AIRE: variants seen among roughly 807,000 people sequenced by gnomAD.
The protein encoded by AIRE is autoimmune regulator.
In AIRE, 52 loss-of-function variants were observed where a neutral mutation model predicts 62.1. The observed-to-expected ratio is 0.84, with a 90% CI of 0.67 to 1.06. The LOEUF (loss-of-function observed/expected upper bound fraction) is 1.06. Among genes scored for constraint, AIRE ranks in the 50% least tolerant of loss-of-function variants. The probability of loss-of-function intolerance (pLI) is 0.00; values close to 1 mark genes in which losing one functional copy is unlikely to be tolerated. For missense variants in AIRE, 774 were observed against 755.8 expected (o/e 1.02, Z -0.28); for synonymous variants, 342 against 321.6 (o/e 1.06, Z -0.68).
At chr21:44,290,097 C>T in intron 7 of AIRE, 29 bp downstream of exon 7, 1 of 1,603,352 alleles carries the variant, frequency 6.2e-7, no homozygotes, top group Admixed American at 1.7e-5. Context: ...GGAGAGGCCC[C>T]TGTCTGCCCT....
chr21:44,294,877 C>T (rs1413638292), intron 12 of AIRE, among the ~76,000 whole-genome samples: 1 of 152,066 alleles, frequency 6.6e-6, no homozygotes, highest in Non-Finnish European at 1.5e-5. Context: ...CAGGTTGTCT[C>T]ACCCCCAGCC....
chr21:44,296,471 G>T, intron 13 of AIRE, 26 bp downstream of exon 13: 1 of 1,600,648 alleles, frequency 6.2e-7, no homozygotes, highest in East Asian at 2.2e-5. Flanking sequence ...GCCTCCTGGT[G>T]CTCCTCCACT....
At chr21:44,294,800 G>A (rs2040588435) in intron 12 of AIRE, among the ~76,000 whole-genome samples, 1 of 152,158 alleles carries the variant, frequency 6.6e-6, no homozygotes, top group Admixed American at 6.5e-5. Context: ...AGGGCTCCCT[G>A]GTGGGGTGAA....
chr21:44,292,339 G>C lies in AIRE; in HGVS notation c.1033G>C (p.Val345Leu), dbSNP rs1233816988. Residue 345 changes from valine (V) to leucine (L), a missense_variant, in exon 9 of 14, where the codon GTC becomes CTC. Around this residue, in one of 3 missense-constraint regions of AIRE, gnomAD observed 354 missense variants for 296.1 expected, o/e 1.20. Coordinates refer to ENST00000291582, the MANE Select transcript of AIRE (RefSeq NM_000383.4). ...GTGCTCCAGCTGCCTGCAGGCAACA[G>C]TCCAGGAGGTGCAGCCCCGGGCAGA... Reference protein sequence around the residue: ...WRCSSCLQATVQEVQPRAEEP... With the variant: ...WRCSSCLQATLQEVQPRAEEP... The C allele has an allele frequency of 1.3e-6, 2 of 1,577,400 alleles. No homozygotes were observed. The highest frequency in any genetic ancestry group is 1.3e-5 in the African/African-American group (1 of 74,340).
Position 44,293,885 on chromosome 21 carries a change from T to C in AIRE, c.1375T>C (p.Phe459Leu). The change falls in exon 11 of 14, where the codon TTC (phenylalanine) becomes CTC (leucine). Residue 459 changes from phenylalanine (F) to leucine (L), a missense_variant. Physicochemically the swap from Phe to Leu is conservative, Grantham distance 22 (BLOSUM62 0). Coordinates refer to ENST00000291582, the MANE Select transcript of AIRE (RefSeq NM_000383.4). ...CAAAFHWRCH[F>L]PAGTSRPGTG... ...CGCTGCCTTCCACTGGCGCTGCCAC[T>C]TCCCAGCCGGCACCTCCCGGCCCGG... 6.3e-7 allele frequency: 1 copy of C among 1,596,766 alleles called. No homozygotes were observed. The highest frequency in any genetic ancestry group is 8.5e-7 in the Non-Finnish European group (1 of 1,179,526).
At position 44,294,479 on chromosome 21, in the gene AIRE, C is replaced by T; in HGVS notation, c.1479C>T (p.Ala493=). ...PVEGVLAPSP[A]RLAPGPAKDD... ...AGGGGGTGCTGGCCCCCAGCCCCGC[C>T]CGCCTGGCCCCTGGGCCTGCCAAGG... Residue 493 remains alanine, a synonymous_variant, in exon 12 of 14, where the codon GCC becomes GCT. Transcript: ENST00000291582. 6.5e-7 allele frequency: 1 copy of T among 1,534,104 alleles called. No homozygotes were observed. Among genetic ancestry groups the T allele is most frequent in the African/African-American group, 1.4e-5 (1 of 73,348 alleles).
rs756188438 is a variant in AIRE, at chr21:44,290,008, G to C, written c.819G>C (p.Leu273=). Residue 273 remains leucine, a synonymous_variant, in exon 7 of 14, where the codon CTG becomes CTC. Coordinates refer to ENST00000291582, the MANE Select transcript of AIRE (RefSeq NM_000383.4). ...TGCAGGGTGGAGGTGAGGCTAGGCT[G>C]GGCCAGCAGGGCAGCGTTCCCGCCC... ...GAAPGGGEAR[L]GQQGSVPAPL... is the part of the protein sequence containing the mutation. The C allele has an allele frequency of 8.1e-6, 13 of 1,610,848 alleles. No individual in the cohort carries two copies. In the Admixed American group the frequency reaches 1.8e-4, roughly 23 times the overall value.
In AIRE at chr21:44,286,578, A is replaced by G. The variant is rs1357882164; in HGVS notation, c.154A>G (p.Lys52Glu). Residue 52 changes from lysine (K) to glutamate (E), a missense_variant, in exon 2 of 14, where the codon AAG becomes GAG. Transcript: ENST00000291582. The surrounding 1 kb of genome is among the most constrained non-coding windows in gnomAD (Gnocchi z 6.0). ...KFQETLHLKEKEGCPQAFHAL... is the reference protein window; with the variant it reads ...KFQETLHLKEEEGCPQAFHAL... ...GCAGGAGACGCTTCATCTGAAGGAAAAGGAGGGCTGCCCCCAGGCCTTCCA... is the reference window on the plus strand; with the variant it reads ...GCAGGAGACGCTTCATCTGAAGGAAGAGGAGGGCTGCCCCCAGGCCTTCCA... 14 of 1,610,854 alleles carry G rather than the reference A, an allele frequency of 8.7e-6. No homozygotes were observed. Among genetic ancestry groups the G allele is most frequent in the Non-Finnish European group, 1.2e-5 (14 of 1,178,944 alleles).
At chr21:44,289,944 G>A (rs779098597) in intron 6 of AIRE, 44 bp from the exon 7 acceptor site, 18 of 1,598,130 alleles carry the variant, frequency 1.1e-5, no homozygotes, top group East Asian at 2.2e-5. Context: ...GTGCACCCTC[G>A]CTGCTGAGGC....
intron 7 of AIRE, chr21:44,290,435 T>C: frequency 1.0e-6 from 1 of 985,106 alleles, no homozygotes; most frequent in Non-Finnish European, 1.2e-6. Context: ...GGTTTCTTAA[T>C]GGGGTAGAAG....
Position 44,298,046 on chromosome 21 carries a change from C to T in AIRE, c.*319C>T, listed in dbSNP as rs1287379724. ...ACATGGGAGCCTGAGGCATGAGAAT[C>T]ACTTGAACTCGGGAGGTGGAGGTTG... On this transcript the variant is annotated 3_prime_UTR_variant, in exon 14 of 14. Transcript: ENST00000291582. 1.0e-5 allele frequency: 4 copies of T among 383,218 alleles called. No homozygotes were observed. 23.7% of individuals were successfully genotyped at this position (383,218 alleles called of 1,614,324 possible). A position where few individuals can be genotyped will look rare whatever the true frequency, so the allele number is the denominator to read the frequency against.
In AIRE at chr21:44,286,228, G is replaced by GCC. The variant is rs1274690958; in HGVS notation, c.132+90_132+91insCC. On this transcript the variant is annotated intron_variant, in intron 1 of 13. Coordinates refer to ENST00000291582, the MANE Select transcript of AIRE (RefSeq NM_000383.4). This position sits in a 1 kb window ranked among gnomAD's most constrained non-coding sequence, Gnocchi z 6.0. Reference sequence around the variant, plus strand: ...GTTCCAGGAGGACCCCGCCCCTCCAGATCCCCAAGCCCCTCCAGCCTTCCC... The same window carrying GCC: ...GTTCCAGGAGGACCCCGCCCCTCCAGCCATCCCCAAGCCCCTCCAGCCTTCCC... The GCC allele has an allele frequency of 2.2e-5, 29 of 1,296,688 alleles. 1 individual carries two copies. The East Asian group carries it at 7.4e-4, about 33-fold the overall frequency. The allele number at this position is 1,296,688 out of a possible 1,614,324, so 80.3% of individuals were successfully genotyped here.
In AIRE at chr21:44,286,736, G is replaced by A; in HGVS notation, c.307+5G>A. 6.2e-7 allele frequency: 1 copy of A among 1,612,738 alleles called. No homozygotes were observed. Among genetic ancestry groups the A allele is most frequent in the Non-Finnish European group, 8.5e-7 (1 of 1,179,910 alleles). ...TCCTGGACAGCTTCCCCAAAGGTGG[G>A]TCCTGGTGGACTCAGCCATGCTGGG... On this transcript the variant is annotated splice_donor_5th_base_variant and intron_variant, in intron 2 of 13. Transcript: ENST00000291582. This position sits in a 1 kb window ranked among gnomAD's most constrained non-coding sequence, Gnocchi z 6.0.
chr21:44,298,244 C>G lies in AIRE; in HGVS notation c.*517C>G, dbSNP rs1320340369. 1 of 188,614 alleles carries G rather than the reference C, an allele frequency of 5.3e-6. No individual in the cohort carries two copies. The highest frequency in any genetic ancestry group is 5.4e-5 in the Admixed American group (1 of 18,540). 11.7% of individuals were successfully genotyped at this position (188,614 alleles called of 1,614,324 possible). A position where few individuals can be genotyped will look rare whatever the true frequency, so the allele number is the denominator to read the frequency against. On this transcript the variant is annotated 3_prime_UTR_variant, in exon 14 of 14. Transcript: ENST00000291582. The stretch of plus-strand genomic sequence containing the variant: ...ACCATTGCCACCACCATCTGCAGAG[C>G]TGTTCCAGCTTCCTGAATGGAAACT...
chr21:44,287,217 C>G lies in AIRE; in HGVS notation c.463+84C>G. On this transcript the variant is annotated intron_variant, in intron 3 of 13. Transcript: ENST00000291582. The surrounding 1 kb of genome is among the most constrained non-coding windows in gnomAD (Gnocchi z 4.3). ...AGCCCACGCCCCCTCCCCACCCGGG[C>G]TCCCACCCACTGGGTGTGGGGCCAG... 1 of 1,532,726 alleles carries G rather than the reference C, an allele frequency of 6.5e-7. No individual in the cohort carries two copies. The highest frequency in any genetic ancestry group is 1.1e-5 in the South Asian group (1 of 87,454). The allele number at this position is 1,532,726 out of a possible 1,614,324, so 94.9% of individuals were successfully genotyped here.
intron 5 of AIRE, chr21:44,289,287 T>C (rs1241294381): frequency 6.5e-6 from 2 of 307,526 alleles, no homozygotes; most frequent in Admixed American, 9.2e-5. Flanking sequence ...GACCCACCGC[T>C]CCAGCCTCTG....
At chr21:44,291,796 G>A (rs1451768384) in intron 8 of AIRE, among the ~76,000 whole-genome samples, 2 of 152,176 alleles carry the variant, frequency 1.3e-5, no homozygotes, top group Admixed American at 1.3e-4. Flanking sequence ...ACGTTCAGGC[G>A]AGGCTCTGCC....
At chr21:44,291,353 CG>C in intron 8 of AIRE, 143 bp downstream of exon 8, 1 of 1,380,422 alleles carries the variant, frequency 7.2e-7, no homozygotes, top group Non-Finnish European at 9.9e-7. Flanking sequence ...GCCGTGGGGC[CG>C]GGGCCTGGGG....
Position 44,286,020 on chromosome 21 carries a change from C to T in AIRE, c.14C>T (p.Ala5Val), listed in dbSNP as rs1236841505. ...CGCGCCCACCCCATGGCGACGGACG[C>T]GGCGCTACGCCGGCTTCTGAGGCTG... Reference protein sequence around the residue: MATDAALRRLLRLHR... With the variant: MATDVALRRLLRLHR... Residue 5 changes from alanine to valine, a missense_variant, in exon 1 of 14, where the codon GCG (alanine) becomes GTG (valine). Ala to Val is a moderately conservative substitution (Grantham distance 64). This residue lies in a region of AIRE where 385 missense variants were observed against 396.0 expected (regional missense o/e 0.97). Transcript: ENST00000291582. This position sits in a 1 kb window ranked among gnomAD's most constrained non-coding sequence, Gnocchi z 6.0. The T allele has an allele frequency of 5.9e-6, 9 of 1,532,858 alleles. No homozygotes were observed. In the South Asian group the frequency reaches 7.2e-5, roughly 12 times the overall value. 95.0% of individuals were successfully genotyped at this position (1,532,858 alleles called of 1,614,324 possible).
Sources: gnomAD v4.1 joint callset for allele counts (sites outside exome capture counted in the v4.1 genomes callset) on GRCh38, gnomAD v4.1.1 for gene constraint, gnomAD v4.1.1 regional missense constraint, Gnocchi (gnomAD v3.1) non-coding constraint, MANE v1.5 for transcripts, NCBI Gene and HGNC (gene_info 2026-07-23, HGNC 2026-07-21) for gene names.